SMYD2: variants seen among roughly 807,000 people sequenced by gnomAD.
SMYD2 encodes N-lysine methyltransferase SMYD2.
SMYD2 carries 53 observed loss-of-function variants against 59.1 expected under a neutral mutation model. The ratio of observed to expected loss-of-function variants is 0.90; its 90% confidence interval spans 0.72 to 1.13. The LOEUF (loss-of-function observed/expected upper bound fraction) is 1.13. Among genes scored for constraint, SMYD2 ranks in the 50% most tolerant of loss-of-function variants. The pLI is 0.00. For missense variants in SMYD2, 494 were observed against 544.7 expected (o/e 0.91, Z 0.93); for synonymous variants, 208 against 198.8 (o/e 1.05, Z -0.39).
Position 214,337,012 on chromosome 1 carries a change from G to T in SMYD2, c.*228G>T. 1 of 450,218 alleles carries T rather than the reference G, an allele frequency of 2.2e-6. No individual in the cohort carries two copies. Among genetic ancestry groups the T allele is most frequent in the Non-Finnish European group, 3.9e-6 (1 of 256,206 alleles). The allele number at this position is 450,218 out of a possible 1,614,324, so 27.9% of individuals were successfully genotyped here. A position where few individuals can be genotyped will look rare whatever the true frequency, so the allele number is the denominator to read the frequency against. ...TTTGTTTCCTAAGAGATAATGGCAT[G>T]GTTTCATATGTTATACTTTGGACAG... On this transcript the variant is annotated 3_prime_UTR_variant, in exon 12 of 12. Transcript: ENST00000366957.
At chr1:214,332,430 A>G in intron 10 of SMYD2, 2 of 481,886 alleles carry the variant, frequency 4.2e-6, no homozygotes, top group Admixed American at 3.7e-5. Flanking sequence ...GATCCCTCCC[A>G]GGTCCATCCA....
At chr1:214,298,247 C>T (rs1656764714) in intron 1 of SMYD2, among the ~76,000 whole-genome samples, 1 of 152,154 alleles carries the variant, frequency 6.6e-6, no homozygotes, top group Non-Finnish European at 1.5e-5. Context: ...AGAAGTAAAG[C>T]TGCACACCTA....
chr1:214,320,525 C>G (rs776887369), intron 5 of SMYD2, among the ~76,000 whole-genome samples: 1 of 152,122 alleles, frequency 6.6e-6, no homozygotes, highest in Non-Finnish European at 1.5e-5. Context: ...ACTCAGGAGG[C>G]TGAGGTAGGA....
At chr1:214,331,824 TCCGA>T (rs1207936935) in intron 9 of SMYD2, 190 bp from the exon 10 acceptor site, 1 of 580,902 alleles carries the variant, frequency 1.7e-6, no homozygotes, top group Non-Finnish European at 3.0e-6. Flanking sequence ...GTTGAGCGGT[TCCGA>T]CCTTCAGGTT....
intron 2 of SMYD2, among the ~76,000 whole-genome samples, chr1:214,311,025 G>A (rs1226670387): frequency 1.3e-5 from 2 of 152,118 alleles, no homozygotes; most frequent in African/African-American, 2.4e-5. Context: ...AATTTCCTTT[G>A]ATGAAATTTA....
At chr1:214,333,941 C>A in intron 10 of SMYD2, 1 of 340,100 alleles carries the variant, frequency 2.9e-6, no homozygotes, top group Non-Finnish European at 5.6e-6. Context: ...TTTACAAATG[C>A]TTTTGAATAG....
chr1:214,332,151 A>G lies in SMYD2; in HGVS notation c.1071A>G (p.Glu357=), dbSNP rs1235413200. 1.2e-6 allele frequency: 2 copies of G among 1,614,100 alleles called. No individual in the cohort carries two copies. Among genetic ancestry groups the G allele is most frequent in the Non-Finnish European group, 1.7e-6 (2 of 1,180,036 alleles). ...MGVCLYMQDW[E]GALQYGQKII... ...TCTGCTTGTACATGCAGGACTGGGA[A>G]GGAGCCCTGCAATATGGACAGAAAA... Residue 357 remains glutamate (E), a synonymous_variant, in exon 10 of 12, where the codon GAA becomes GAG. Transcript: ENST00000366957.
chr1:214,317,896 G>A (rs1250817169), intron 3 of SMYD2, among the ~76,000 whole-genome samples, 183 bp from the exon 4 acceptor site: 2 of 152,182 alleles, frequency 1.3e-5, no homozygotes, highest in South Asian at 2.1e-4. Context: ...TTAAAAAAGC[G>A]CTTTAGAAGA....
chr1:214,303,037 G>A (rs557990190), intron 1 of SMYD2, among the ~76,000 whole-genome samples: 2 of 152,168 alleles, frequency 1.3e-5, no homozygotes, highest in South Asian at 4.2e-4. Context: ...GCTCAGCAAA[G>A]CCCTTGAAAT....
chr1:214,331,288 G>T, intron 9 of SMYD2: 1 of 596,720 alleles, frequency 1.7e-6, no homozygotes, highest in Non-Finnish European at 2.7e-6. Flanking sequence ...TGGCTAGTTT[G>T]GCTGGGAGCC....
In SMYD2 at chr1:214,336,749, A is replaced by G. The variant is rs770579884; in HGVS notation, c.1267A>G (p.Ile423Val). Residue 423 changes from isoleucine (I) to valine (V), a missense_variant, in exon 12 of 12, where the codon ATT becomes GTT. Ile to Val is a conservative substitution (Grantham distance 29, BLOSUM62 3). Transcript: ENST00000366957. The stretch of plus-strand genomic sequence containing the variant: ...AGCTCACGGCAAAGATCATCCATAT[A>G]TTTCTGAGATCAAACAGGAAATTGA... ...EVAHGKDHPY[I>V]SEIKQEIESH The G allele has an allele frequency of 6.2e-7, 1 of 1,613,822 alleles. No individual in the cohort carries two copies. Among genetic ancestry groups the G allele is most frequent in the East Asian group, 2.2e-5 (1 of 44,846 alleles).
intron 5 of SMYD2, among the ~76,000 whole-genome samples, chr1:214,322,638 C>A (rs1356121965): frequency 6.6e-6 from 1 of 152,166 alleles, no homozygotes. Flanking sequence ...ACCACATTAG[C>A]ATTTAGTAGA....
intron 1 of SMYD2, among the ~76,000 whole-genome samples, chr1:214,292,865 G>A (rs1262070388): frequency 6.6e-6 from 1 of 152,008 alleles, no homozygotes; most frequent in African/African-American, 2.4e-5. Flanking sequence ...TTGTCTATTT[G>A]TCATCTAGAG....
At chr1:214,331,882 T>C in intron 9 of SMYD2, 136 bp from the exon 10 acceptor site, 1 of 741,842 alleles carries the variant, frequency 1.3e-6, no homozygotes. Flanking sequence ...CCTTTCACTT[T>C]TGCTTGGCTT....
intron 1 of SMYD2, among the ~76,000 whole-genome samples, chr1:214,300,257 C>T (rs1233710903): frequency 6.6e-6 from 1 of 152,200 alleles, no homozygotes; most frequent in Non-Finnish European, 1.5e-5. Context: ...GCGGTGTTCT[C>T]TCACCAGGTT....
At chr1:214,334,733 T>C (rs984843784) in intron 11 of SMYD2, among the ~76,000 whole-genome samples, 1 of 152,248 alleles carries the variant, frequency 6.6e-6, no homozygotes, top group African/African-American at 2.4e-5. Flanking sequence ...TCTCAGTTCA[T>C]TGAGGACCAG....
chr1:214,288,938 C>CTTTTT lies in SMYD2; in HGVS notation c.173+7523_173+7527dup, dbSNP rs10660642. 1.8e-4 allele frequency among the ~76,000 whole-genome samples: 24 copies of CTTTTT among 136,700 alleles called. 1 individual carries two copies. Among genetic ancestry groups the CTTTTT allele is most frequent in the South Asian group, 4.7e-4 (2 of 4,242 alleles). The allele number at this position is 136,700 out of a possible 152,430, so 89.7% of individuals were successfully genotyped here. A position where few individuals can be genotyped will look rare whatever the true frequency, so the allele number is the denominator to read the frequency against. On this transcript the variant is annotated intron_variant, in intron 1 of 11. Coordinates refer to ENST00000366957, the MANE Select transcript of SMYD2 (RefSeq NM_020197.3). ...TGATAGGGCAGCATCAGCCCATAGT[C>CTTTTT]TTTTTTTTTTTTTTTTCCTTAAGCA... is the stretch of plus-strand genomic sequence containing the variant.
chr1:214,282,144 CTG>C (rs942192300), intron 1 of SMYD2, among the ~76,000 whole-genome samples: 8 of 152,152 alleles, frequency 5.3e-5, no homozygotes, highest in African/African-American at 1.9e-4. Flanking sequence ...ATATATGTGT[CTG>C]TGTTTGTATA....
At chr1:214,322,745 A>G (rs1239680651) in intron 5 of SMYD2, among the ~76,000 whole-genome samples, 1 of 152,204 alleles carries the variant, frequency 6.6e-6, no homozygotes, top group African/African-American at 2.4e-5. Flanking sequence ...TCTGCCACTT[A>G]TCATTTACAT....
Sources: allele counts gnomAD v4.1 joint callset (sites outside exome capture counted in the v4.1 genomes callset), GRCh38; gene constraint gnomAD v4.1.1; transcripts MANE v1.5; gene names NCBI Gene and HGNC (gene_info 2026-07-23, HGNC 2026-07-21).